The following KDM5A variants were observed in gnomAD, a reference collection of about 807,000 sequenced individuals.
KDM5A encodes lysine-specific demethylase 5A.
A neutral mutation model predicts 193.5 loss-of-function variants in KDM5A; 42 were observed. The observed-to-expected ratio is 0.22, with a 90% CI of 0.17 to 0.28. The LOEUF is 0.28. Among genes scored for constraint, KDM5A ranks in the 10% least tolerant of loss-of-function variants. The pLI is 1.00. For missense variants in KDM5A, 1,692 were observed against 2,055.1 expected (o/e 0.82, Z 3.42); for synonymous variants, 796 against 718.1 (o/e 1.11, Z -1.73).
At chr12:318,022 T>G in intron 19 of KDM5A, 84 bp downstream of exon 19, 22 of 1,032,562 alleles carry the variant, frequency 2.1e-5, no homozygotes, top group Non-Finnish European at 3.1e-5. Flanking sequence ...AGTCATTTAA[T>G]GAAATAAGCT....
chr12:337,509 T>C (rs1294839171), intron 10 of KDM5A, among the ~76,000 whole-genome samples: 2 of 152,002 alleles, frequency 1.3e-5, no homozygotes, highest in African/African-American at 2.4e-5. Flanking sequence ...ACACAGGAAA[T>C]AACATTAGAA....
At chr12:317,329 C>T (rs911837112) in intron 19 of KDM5A, among the ~76,000 whole-genome samples, 5 of 152,182 alleles carry the variant, frequency 3.3e-5, no homozygotes, top group Admixed American at 2.6e-4. Context: ...CCTCAAGGCT[C>T]TACCTAAGTT....
Position 307,913 on chromosome 12 carries a change from G to A in KDM5A, c.3471C>T (p.Arg1157=). 6.2e-7 allele frequency: 1 copy of A among 1,614,096 alleles called. No individual in the cohort carries two copies. Among genetic ancestry groups the A allele is most frequent in the Non-Finnish European group, 8.5e-7 (1 of 1,180,026 alleles). ...ANLAKMTMVD[R]IEEVKFCICR... is the part of the protein sequence containing the mutation. ...AAATGCAAAATTTTACTTCTTCTATGCGGTCCACCATTGTCATCTTGGCTA... is the reference window on the plus strand; with the variant it reads ...AAATGCAAAATTTTACTTCTTCTATACGGTCCACCATTGTCATCTTGGCTA... The change falls in exon 23 of 28, where the codon CGC becomes CGT. Residue 1157 remains arginine, a synonymous_variant. Transcript: ENST00000399788. The surrounding 1 kb of genome is among the most constrained non-coding windows in gnomAD (Gnocchi z 4.3).
chr12:364,543 T>C (rs1198927458), intron 4 of KDM5A, among the ~76,000 whole-genome samples: 16 of 150,962 alleles, frequency 1.1e-4, no homozygotes, highest in Admixed American at 1.1e-3. Context: ...CCCAGCACTT[T>C]GGGAGGCCGA....
chr12:330,515 G>A (rs987716410), intron 13 of KDM5A, among the ~76,000 whole-genome samples: 2 of 152,108 alleles, frequency 1.3e-5, no homozygotes, highest in South Asian at 2.1e-4. Context: ...CAATAACAGA[G>A]AGAATGGGAA....
intron 24 of KDM5A, among the ~76,000 whole-genome samples, chr12:299,906 A>G (rs1308739076): frequency 1.4e-5 from 2 of 141,884 alleles, no homozygotes; most frequent in African/African-American, 2.7e-5. Context: ...AGTCTCTGAT[A>G]AAACAGATTT....
chr12:322,654 G>T, intron 16 of KDM5A, 87 bp from the exon 17 acceptor site: 1 of 1,035,744 alleles, frequency 9.7e-7, no homozygotes, highest in Non-Finnish European at 1.5e-6. Context: ...ACTCAAGTGA[G>T]TCCCCAACCT....
chr12:327,895 T>C (rs1249700380), intron 14 of KDM5A, among the ~76,000 whole-genome samples: 1 of 151,756 alleles, frequency 6.6e-6, no homozygotes, highest in Admixed American at 6.6e-5. Context: ...ACACCTGCAG[T>C]CCTAACTACT....
intron 24 of KDM5A, 140 bp downstream of exon 24, chr12:306,806 G>T: frequency 2.3e-6 from 2 of 883,266 alleles, no homozygotes; most frequent in Non-Finnish European, 3.6e-6. Flanking sequence ...AAAATGCTAC[G>T]ACTAAAAACT....
In KDM5A at chr12:361,337, G is replaced by A. The variant is rs1026676047; in HGVS notation, c.672+1626C>T. ...AGCCTCCCGAGTAGCTGGGACTACA[G>A]GTGCCCACCACCACGCCCGGCTAAT... is the stretch of plus-strand genomic sequence containing the variant. On this transcript the variant is annotated intron_variant, in intron 5 of 27. Transcript: ENST00000399788. Among the ~76,000 whole-genome samples, 7 of 152,166 alleles carry A rather than the reference G, an allele frequency of 4.6e-5. No individual in the cohort carries two copies. In the East Asian group the frequency reaches 9.7e-4, roughly 21 times the overall value.
At position 285,345 on chromosome 12, in the gene KDM5A, G is replaced by A. The variant is rs1247818489; in HGVS notation, c.*111C>T. On this transcript the variant is annotated 3_prime_UTR_variant, in exon 28 of 28. Transcript: ENST00000399788. ...AGCACTAAGGGGACTTTCTCTGAAG[G>A]CCATTCATCTTTGGAAGCAACATTC... is the stretch of plus-strand genomic sequence containing the variant. The A allele has an allele frequency of 1.1e-6, 1 of 915,716 alleles. No homozygotes were observed. The highest frequency in any genetic ancestry group is 2.0e-5 in the Admixed American group (1 of 50,022). 56.7% of individuals were successfully genotyped at this position (915,716 alleles called of 1,614,324 possible). A position where few individuals can be genotyped will look rare whatever the true frequency, so the allele number is the denominator to read the frequency against.
At chr12:351,295 T>A (rs1944155644) in intron 9 of KDM5A, among the ~76,000 whole-genome samples, 1 of 151,976 alleles carries the variant, frequency 6.6e-6, no homozygotes, top group South Asian at 2.1e-4. Flanking sequence ...CACTTATGAG[T>A]GAGAACGTGG....
Position 308,016 on chromosome 12 carries a change from C to T in KDM5A, c.3379-11G>A. The stretch of plus-strand genomic sequence containing the variant: ...TTTGAAAACTGCCACCTGTACAAGA[C>T]AAACATTTAATTGAAAAGAGTCACT... On this transcript the variant is annotated splice_polypyrimidine_tract_variant and intron_variant, in intron 22 of 27. Coordinates refer to ENST00000399788, the MANE Select transcript of KDM5A (RefSeq NM_001042603.3). 1 of 1,613,212 alleles carries T rather than the reference C, an allele frequency of 6.2e-7. No individual in the cohort carries two copies. Among genetic ancestry groups the T allele is most frequent in the Non-Finnish European group, 8.5e-7 (1 of 1,179,618 alleles).
Position 293,083 on chromosome 12 carries a change from C to T in KDM5A, c.4542G>A (p.Glu1514=), listed in dbSNP as rs1469328284. 3 of 1,591,334 alleles carry T rather than the reference C, an allele frequency of 1.9e-6. No individual in the cohort carries two copies. The highest frequency in any genetic ancestry group is 3.8e-5 in the Admixed American group (2 of 53,286). Residue 1514 remains glutamate, a synonymous_variant, in exon 27 of 28, where the codon GAG becomes GAA. Transcript: ENST00000399788. ...KKRKRKLEKV[E]QLFGEGKQKS... Reference sequence around the variant, plus strand: ...TCTGTTTTCCTTCTCCAAAAAGTTGCTCTACCTTTTCTAGCTTCCGTTTCC... The same window carrying T: ...TCTGTTTTCCTTCTCCAAAAAGTTGTTCTACCTTTTCTAGCTTCCGTTTCC...
intron 24 of KDM5A, among the ~76,000 whole-genome samples, chr12:297,528 T>C (rs922053775): frequency 2.0e-5 from 3 of 152,112 alleles, no homozygotes; most frequent in African/African-American, 4.8e-5. Flanking sequence ...CCATTAAGAT[T>C]TTCACCCGGG....
At chr12:362,811 A>C in intron 5 of KDM5A, 152 bp downstream of exon 5, 1 of 684,800 alleles carries the variant, frequency 1.5e-6, no homozygotes, top group Non-Finnish European at 2.5e-6. Context: ...GAAATGGCCC[A>C]TGAGCCAGGC....
intron 24 of KDM5A, among the ~76,000 whole-genome samples, chr12:300,384 C>T (rs1275819992): frequency 6.6e-6 from 1 of 152,186 alleles, no homozygotes; most frequent in Non-Finnish European, 1.5e-5. Flanking sequence ...GAAACTCACT[C>T]AAAACCACAC....
chr12:386,097 TTTA>T, intron 1 of KDM5A, 123 bp from the exon 2 acceptor site: 1 of 701,492 alleles, frequency 1.4e-6, no homozygotes, highest in Admixed American at 2.2e-5. Flanking sequence ...ACAAGTCTTC[TTTA>T]TTATAGAGAC....
Position 288,744 on chromosome 12 carries a change from A to G in KDM5A, c.4867-3082T>C, listed in dbSNP as rs550163247. Among the ~76,000 whole-genome samples the G allele has an allele frequency of 7.9e-5, 12 of 152,342 alleles. 1 individual carries two copies. In the South Asian group the frequency reaches 1.0e-3, roughly 13 times the overall value. ...AACAATTCACTAAGTGAACTACAAC[A>G]TATGTTCAGAATCCTTGTGTATATT... is the stretch of plus-strand genomic sequence containing the variant. On this transcript the variant is annotated intron_variant, in intron 27 of 27. Transcript: ENST00000399788.
Sources: allele counts gnomAD v4.1 joint callset (sites outside exome capture counted in the v4.1 genomes callset), GRCh38; gene constraint gnomAD v4.1.1; non-coding constraint Gnocchi (gnomAD v3.1); transcripts MANE v1.5; gene names NCBI Gene and HGNC (gene_info 2026-07-23, HGNC 2026-07-21).